Variants in ACTR8 observed in about 807,000 individuals in gnomAD.
ACTR8 encodes actin related protein 8, also known as actin-related protein 8.
Under a neutral mutation model 84.3 loss-of-function variants are expected in ACTR8, and 70 were observed. That is an observed-to-expected ratio of 0.83 (90% CI 0.68 to 1.01). The LOEUF (loss-of-function observed/expected upper bound fraction) is 1.01, where lower values mean the gene tolerates loss of function less well. ACTR8 is among the 50% of genes least tolerant of loss of function. The probability of loss-of-function intolerance (pLI) is 0.00; values close to 1 mark genes in which losing one functional copy is unlikely to be tolerated. For missense variants in ACTR8, 672 were observed against 775.4 expected (o/e 0.87, Z 1.58); for synonymous variants, 268 against 275.2 (o/e 0.97, Z 0.26).
At chr3:53,873,286 T>G (rs1405077015) in intron 8 of ACTR8, 159 bp from the exon 9 acceptor site, 1 of 461,604 alleles carries the variant, frequency 2.2e-6, no homozygotes, top group Non-Finnish European at 3.9e-6. Flanking sequence ...AGGAATTAAG[T>G]TGTACTTTGT....
At chr3:53,881,740 G>A in intron 1 of ACTR8, 1 of 617,040 alleles carries the variant, frequency 1.6e-6, no homozygotes, top group South Asian at 2.0e-5. Context: ...GGTGGGGCGT[G>A]CGGGAGATCG....
chr3:53,866,911 T>A (rs1699797811), downstream of ACTR8, among the ~76,000 whole-genome samples: 1 of 152,254 alleles, frequency 6.6e-6, no homozygotes, highest in South Asian at 2.1e-4. Flanking sequence ...TTCAGATGGA[T>A]GACTATTAAA....
At chr3:53,864,882 T>G, downstream of ACTR8, 1 of 1,614,172 alleles carries the variant, frequency 6.2e-7, no homozygotes, top group Non-Finnish European at 8.5e-7. Flanking sequence ...ATTGCAGAAG[T>G]GAGGTCATCC....
downstream of ACTR8, among the ~76,000 whole-genome samples, chr3:53,862,655 G>T (rs1362634372): frequency 6.6e-6 from 1 of 152,200 alleles, no homozygotes; most frequent in Non-Finnish European, 1.5e-5. Flanking sequence ...TTCCCCATCA[G>T]TGTGAGGTGA....
chr3:53,868,670 A>T lies in ACTR8; in HGVS notation c.*49T>A. On this transcript the variant is annotated 3_prime_UTR_variant, in exon 13 of 13. Coordinates refer to ENST00000335754, the MANE Select transcript of ACTR8 (RefSeq NM_022899.5). ...TACACATATTCTGTAAGAGTCTTTTATACCAAGAAGCTTGTTTTTGGTCTT... is the reference window on the plus strand; with the variant it reads ...TACACATATTCTGTAAGAGTCTTTTTTACCAAGAAGCTTGTTTTTGGTCTT... The T allele has an allele frequency of 6.2e-7, 1 of 1,602,128 alleles. No individual in the cohort carries two copies. The highest frequency in any genetic ancestry group is 2.2e-5 in the East Asian group (1 of 44,798).
At chr3:53,862,169 T>C (rs965085208), downstream of ACTR8, among the ~76,000 whole-genome samples, 1 of 152,140 alleles carries the variant, frequency 6.6e-6, no homozygotes, top group African/African-American at 2.4e-5. Flanking sequence ...TATTGGACAA[T>C]GCCCCCAGCC....
In ACTR8 at chr3:53,879,981, C is replaced by G; in HGVS notation, c.252G>C (p.Gln84His). Residue 84 changes from glutamine (Q) to histidine (H), a missense_variant, in exon 2 of 13, where the codon CAG becomes CAC. Coordinates refer to ENST00000335754, the MANE Select transcript of ACTR8 (RefSeq NM_022899.5). ...VIARRHKQQG[Q>H]PLYKDSWLLR... ...GGAGCCAACTGTCCTTGTATAGGGG[C>G]TGCCCTTGTTGTTTGTGTCTTCGGG... The G allele has an allele frequency of 1.2e-6, 2 of 1,614,120 alleles. No individual in the cohort carries two copies. Among genetic ancestry groups the G allele is most frequent in the African/African-American group, 2.7e-5 (2 of 75,064 alleles).
downstream of ACTR8, chr3:53,865,244 T>C: frequency 2.5e-6 from 4 of 1,613,154 alleles, no homozygotes; most frequent in Non-Finnish European, 3.4e-6. Flanking sequence ...CTTCTCCATG[T>C]CAAGCAGCAG....
At chr3:53,871,068 A>G (rs764203504) in intron 11 of ACTR8, 164 bp downstream of exon 11, 8 of 982,216 alleles carry the variant, frequency 8.1e-6, no homozygotes, top group East Asian at 2.7e-5. Context: ...AACCCATCCT[A>G]CTTCGTTAAT....
Position 53,868,566 on chromosome 3 carries a change from C to A in ACTR8, c.*153G>T. On this transcript the variant is annotated 3_prime_UTR_variant, in exon 13 of 13. Coordinates refer to ENST00000335754, the MANE Select transcript of ACTR8 (RefSeq NM_022899.5). ...CTCAAAAGCAGTTTATATTTTCAAACCAATGTCATGTCCTCAACATAAAGT... is the reference window on the plus strand; with the variant it reads ...CTCAAAAGCAGTTTATATTTTCAAAACAATGTCATGTCCTCAACATAAAGT... The A allele has an allele frequency of 3.3e-6, 4 of 1,209,526 alleles. No homozygotes were observed. Among genetic ancestry groups the A allele is most frequent in the Non-Finnish European group, 4.5e-6 (4 of 884,766 alleles). 74.9% of individuals were successfully genotyped at this position (1,209,526 alleles called of 1,614,324 possible).
In ACTR8 at chr3:53,867,937, C is replaced by T. The variant is rs1699818694; in HGVS notation, c.*782G>A. On this transcript the variant is annotated 3_prime_UTR_variant, in exon 13 of 13. Coordinates refer to ENST00000335754, the MANE Select transcript of ACTR8 (RefSeq NM_022899.5). ...TAGTATTAATAACTACATCAGTCAC[C>T]ATATCTGTACAACACAAGGACTCTT... is the stretch of plus-strand genomic sequence containing the variant. 3 of 152,152 alleles carry T rather than the reference C, an allele frequency of 2.0e-5. No homozygotes were observed. The highest frequency in any genetic ancestry group is 2.9e-5 in the Non-Finnish European group (2 of 68,036). The allele number at this position is 152,152 out of a possible 1,614,324, so 9.4% of individuals were successfully genotyped here. A position where few individuals can be genotyped will look rare whatever the true frequency, so the allele number is the denominator to read the frequency against.
chr3:53,859,963 T>C, the ACTR8 span: 14 of 519,798 alleles, frequency 2.7e-5, no homozygotes, highest in East Asian at 6.3e-5. Context: ...TGAACCGAGA[T>C]TGCGCCACTG....
chr3:53,881,942 G>A (rs914321233), intron 1 of ACTR8, 37 bp downstream of exon 1: 1 of 1,553,728 alleles, frequency 6.4e-7, no homozygotes. Flanking sequence ...GAGGACCCAA[G>A]CAAGGGCAAA....
intron 1 of ACTR8, among the ~76,000 whole-genome samples, chr3:53,880,392 A>G (rs567285619): frequency 6.6e-6 from 1 of 152,342 alleles, no homozygotes; most frequent in South Asian, 2.1e-4. Flanking sequence ...GTTATTGAGC[A>G]TTTATGTGAC....
At position 53,879,930 on chromosome 3, in the gene ACTR8, T is replaced by G. The variant is rs1332393410; in HGVS notation, c.294+9A>C. The G allele has an allele frequency of 3.1e-6, 5 of 1,600,248 alleles. No homozygotes were observed. The highest frequency in any genetic ancestry group is 4.3e-6 in the Non-Finnish European group (5 of 1,169,788). On this transcript the variant is annotated intron_variant, in intron 2 of 12. Coordinates refer to ENST00000335754, the MANE Select transcript of ACTR8 (RefSeq NM_022899.5). ...CTTAGGCTTTCTCTCCAGGTCGTTT[T>G]TGACTTACATTTAGTCCCTCCCTTA...
intron 1 of ACTR8, chr3:53,881,637 C>T: frequency 2.4e-6 from 1 of 413,760 alleles, no homozygotes; most frequent in South Asian, 2.2e-5. Context: ...TTAACCCTCA[C>T]GGCAACTTGC....
At chr3:53,872,650 T>C (rs1699901828) in intron 9 of ACTR8, 126 bp from the exon 10 acceptor site, 10 of 1,202,422 alleles carry the variant, frequency 8.3e-6, no homozygotes, top group Non-Finnish European at 1.1e-5. Context: ...CTGGGCAATG[T>C]TCTCTTTCGG....
At chr3:53,872,724 G>C (rs1312779837) in intron 9 of ACTR8, among the ~76,000 whole-genome samples, 200 bp from the exon 10 acceptor site, 1 of 152,194 alleles carries the variant, frequency 6.6e-6, no homozygotes, top group Admixed American at 6.5e-5. Flanking sequence ...AACCAGATGG[G>C]TGATATGACA....
chr3:53,878,300 T>C, intron 3 of ACTR8, 57 bp downstream of exon 3: 1 of 1,257,764 alleles, frequency 8.0e-7, no homozygotes, highest in Non-Finnish European at 1.2e-6. Context: ...AACATGTGAA[T>C]GGTATTATGA....
Sources: gnomAD v4.1 joint callset for allele counts (sites outside exome capture counted in the v4.1 genomes callset) on GRCh38, gnomAD v4.1.1 for gene constraint, MANE v1.5 for transcripts, NCBI Gene and HGNC (gene_info 2026-07-23, HGNC 2026-07-21) for gene names.